Variants in NFAT5 observed in about 807,000 individuals in gnomAD.
The protein encoded by NFAT5 is nuclear factor of activated T-cells 5.
NFAT5 carries 31 observed loss-of-function variants against 166.5 expected under a neutral mutation model. That is an observed-to-expected ratio of 0.19 (90% CI 0.14 to 0.25). NFAT5 has a LOEUF of 0.25. Ranked by LOEUF, NFAT5 falls within the 10% of genes least tolerant of loss-of-function variation. The pLI is 1.00. For missense variants in NFAT5, 1,449 were observed against 1,821.8 expected (o/e 0.80, Z 3.72); for synonymous variants, 612 against 639.7 (o/e 0.96, Z 0.65).
intron 2 of NFAT5, among the ~76,000 whole-genome samples, chr16:69,608,326 T>A (rs565715122): frequency 3.1e-4 from 47 of 152,222 alleles, no homozygotes; most frequent in African/African-American, 1.1e-3. Context: ...AACTAGATAC[T>A]CTAAGGAGAT....
chr16:69,648,351 A>T (rs958348436), intron 4 of NFAT5: 4 of 983,324 alleles, frequency 4.1e-6, no homozygotes, highest in Non-Finnish European at 4.8e-6. Context: ...TGATGAAAAC[A>T]AGAAAAAACT....
At chr16:69,578,437 T>G (rs2031442085) in intron 2 of NFAT5, among the ~76,000 whole-genome samples, 1 of 152,204 alleles carries the variant, frequency 6.6e-6, no homozygotes, top group Admixed American at 6.5e-5. Context: ...TAGTTTGAGA[T>G]ATTAGGCATT....
intron 7 of NFAT5, among the ~76,000 whole-genome samples, chr16:69,661,389 A>C (rs1471463439): frequency 6.6e-6 from 1 of 150,792 alleles, no homozygotes; most frequent in Non-Finnish European, 1.5e-5. Flanking sequence ...TTAAAAAAAA[A>C]AAAAAAAGCC....
chr16:69,590,255 G>A (rs2032379203), intron 2 of NFAT5, among the ~76,000 whole-genome samples: 1 of 152,154 alleles, frequency 6.6e-6, no homozygotes, highest in Admixed American at 6.5e-5. Flanking sequence ...TGAGTATCAG[G>A]TGACTAAAAA....
intron 1 of NFAT5, 151 bp from the exon 2 acceptor site, chr16:69,568,344 A>ATGTG (rs373838844): frequency 0.056 from 12,010 of 213,394 alleles, 379 homozygotes; most frequent in Non-Finnish European, 0.075. Context: ...GTATATATAT[A>ATGTG]TATGTGTGTG....
intron 2 of NFAT5, among the ~76,000 whole-genome samples, chr16:69,602,184 C>G (rs919653905): frequency 2.0e-5 from 3 of 151,456 alleles, no homozygotes; most frequent in Non-Finnish European, 2.9e-5. Context: ...TAAAAATTTT[C>G]TAGCTAATTA....
chr16:69,616,727 A>G (rs970384631), intron 2 of NFAT5, among the ~76,000 whole-genome samples: 4 of 151,388 alleles, frequency 2.6e-5, no homozygotes, highest in African/African-American at 7.3e-5. Flanking sequence ...TCCTATATAG[A>G]TACTTTCTTC....
At chr16:69,583,147 G>A (rs2031808487) in intron 2 of NFAT5, among the ~76,000 whole-genome samples, 1 of 151,386 alleles carries the variant, frequency 6.6e-6, no homozygotes, top group Non-Finnish European at 1.5e-5. Flanking sequence ...TCAAAATTTA[G>A]GAAAGCTCTT....
At position 69,628,798 on chromosome 16, in the gene NFAT5, T is replaced by C. The variant is rs530818367; in HGVS notation, c.253+2270T>C. On this transcript the variant is annotated intron_variant, in intron 3 of 14. Coordinates refer to ENST00000349945, the MANE Select transcript of NFAT5 (RefSeq NM_138713.4). ...AATCTTTAGCATTTTTGAAAAAATA[T>C]GGGCCAGGCATGGTGGCTCACACCA... 1.6e-3 allele frequency among the ~76,000 whole-genome samples: 244 copies of C among 152,286 alleles called. 4 individuals are homozygous for C. The highest frequency in any genetic ancestry group is 5.4e-3 in the African/African-American group (225 of 41,566).
At chr16:69,688,937 A>G (rs543756173) in intron 11 of NFAT5, among the ~76,000 whole-genome samples, 8 of 152,350 alleles carry the variant, frequency 5.3e-5, no homozygotes, top group Non-Finnish European at 8.8e-5. Flanking sequence ...GATTACTTTT[A>G]AATGCCTGCC....
chr16:69,672,656 A>G (rs769509189), intron 9 of NFAT5, among the ~76,000 whole-genome samples: 1 of 152,174 alleles, frequency 6.6e-6, no homozygotes, highest in Non-Finnish European at 1.5e-5. Flanking sequence ...AGTAAGGTTC[A>G]TTTGTTCTTT....
intron 2 of NFAT5, among the ~76,000 whole-genome samples, chr16:69,606,956 A>G (rs574724013): frequency 1.3e-5 from 2 of 152,346 alleles, no homozygotes; most frequent in Non-Finnish European, 2.9e-5. Context: ...GGAATAAAAG[A>G]AATAATGTCC....
intron 10 of NFAT5, among the ~76,000 whole-genome samples, chr16:69,683,414 TC>T (rs2037153513): frequency 1.3e-5 from 2 of 151,396 alleles, no homozygotes; most frequent in African/African-American, 4.9e-5. Flanking sequence ...TGCCTGTAGT[TC>T]CAGCTACTCA....
rs1555533466 is a variant in NFAT5 at position 69,688,212 on chromosome 16, A to ACAAAC, written c.1775-2728_1775-2727insCAAAC. On this transcript the variant is annotated intron_variant, in intron 11 of 14. Coordinates refer to ENST00000349945, the MANE Select transcript of NFAT5 (RefSeq NM_138713.4). ...AGCGAGACTCCGTCTCAAAAAAAAA[A>ACAAAC]AAAAAAAAAAAAAACCAGGAGTTTG... Among the ~76,000 whole-genome samples, 709 of 124,782 alleles carry ACAAAC rather than the reference A, an allele frequency of 5.7e-3. 17 individuals carry two copies. The highest frequency in any genetic ancestry group is 0.025 in the East Asian group (105 of 4,124). The allele number at this position is 124,782 out of a possible 152,430, so 81.9% of individuals were successfully genotyped here.
chr16:69,670,112 G>T lies in NFAT5; in HGVS notation c.1504+1G>T. On this transcript the variant is annotated splice_donor_variant, in intron 8 of 14. Transcript: ENST00000349945. LOFTEE classifies it high-confidence loss of function. ...GTTATTTTCCAAGAAAATGTTTCTG[G>T]TAAGTACGCATATTTGTGGTACAGA... is the stretch of plus-strand genomic sequence containing the variant. The T allele has an allele frequency of 6.2e-7, 1 of 1,611,186 alleles. No homozygotes were observed. The highest frequency in any genetic ancestry group is 8.5e-7 in the Non-Finnish European group (1 of 1,179,166).
Position 69,566,210 on chromosome 16 carries a change from G to A in NFAT5, c.-92G>A, listed in dbSNP as rs907958071. ...CAGCCGCCCTCGCGTCGCCGCCCCCGGTTCGGTGCCCGCGGTCCCGGAGAG... is the reference window on the plus strand; with the variant it reads ...CAGCCGCCCTCGCGTCGCCGCCCCCAGTTCGGTGCCCGCGGTCCCGGAGAG... On this transcript the variant is annotated 5_prime_UTR_variant, in exon 1 of 15. Coordinates refer to ENST00000349945, the MANE Select transcript of NFAT5 (RefSeq NM_138713.4). This position sits in a 1 kb window ranked among gnomAD's most constrained non-coding sequence, Gnocchi z 5.7. 10 of 1,219,364 alleles carry A rather than the reference G, an allele frequency of 8.2e-6. No individual in the cohort carries two copies. The Admixed American group carries it at 8.6e-5, about 11-fold the overall frequency. The allele number at this position is 1,219,364 out of a possible 1,614,324, so 75.5% of individuals were successfully genotyped here.
At chr16:69,646,450 T>G in intron 3 of NFAT5, 1 of 674,908 alleles carries the variant, frequency 1.5e-6, no homozygotes, top group South Asian at 1.9e-5. Context: ...TATTTCTCAT[T>G]TTATAATTGA....
chr16:69,634,151 G>A (rs574257715), intron 3 of NFAT5, among the ~76,000 whole-genome samples: 1 of 151,628 alleles, frequency 6.6e-6, no homozygotes, highest in Non-Finnish European at 1.5e-5. Flanking sequence ...GGCGGCGGGT[G>A]CCTGTAATCC....
chr16:69,637,145 T>A (rs1447553672), intron 3 of NFAT5, among the ~76,000 whole-genome samples: 4 of 152,210 alleles, frequency 2.6e-5, no homozygotes, highest in Admixed American at 2.6e-4. Context: ...CCGGTCTCTT[T>A]GCTAAAACAT....
Sources: allele counts gnomAD v4.1 joint callset (sites outside exome capture counted in the v4.1 genomes callset), GRCh38; gene constraint gnomAD v4.1.1; non-coding constraint Gnocchi (gnomAD v3.1); transcripts MANE v1.5; gene names NCBI Gene and HGNC (gene_info 2026-07-23, HGNC 2026-07-21).